Variants in FHOD3 observed in about 807,000 individuals in gnomAD.
FHOD3 encodes the protein FH1/FH2 domain-containing protein 3.
A neutral mutation model predicts 173.0 loss-of-function variants in FHOD3; 90 were observed. The observed-to-expected ratio is 0.52, with a 90% CI of 0.44 to 0.62. The LOEUF is 0.62. Among genes scored for constraint, FHOD3 ranks in the 20% least tolerant of loss-of-function variants. The pLI is 0.00. For missense variants in FHOD3, 1,945 were observed against 2,034.7 expected (o/e 0.96, Z 0.85); for synonymous variants, 828 against 823.0 (o/e 1.01, Z -0.10).
intron 10 of FHOD3, among the ~76,000 whole-genome samples, chr18:36,628,318 A>G (rs2034264083): frequency 6.6e-6 from 1 of 152,198 alleles, no homozygotes; most frequent in South Asian, 2.1e-4. Flanking sequence ...TATCCAAAGT[A>G]TACAGACTCC....
chr18:36,559,310 G>C (rs748046302), intron 5 of FHOD3, among the ~76,000 whole-genome samples: 1 of 152,122 alleles, frequency 6.6e-6, no homozygotes, highest in Non-Finnish European at 1.5e-5. Context: ...TCCTCTCTGC[G>C]GCTGCTTCTC....
intron 1 of FHOD3, among the ~76,000 whole-genome samples, chr18:36,302,917 A>G (rs2091991995): frequency 6.6e-6 from 1 of 152,226 alleles, no homozygotes; most frequent in Non-Finnish European, 1.5e-5. Context: ...TATTGAGATC[A>G]GGATCATGGG....
intron 16 of FHOD3, among the ~76,000 whole-genome samples, chr18:36,691,288 T>A (rs987301024): frequency 7.9e-5 from 12 of 152,238 alleles, no homozygotes; most frequent in Non-Finnish European, 7.3e-5. Context: ...CAGACTCATT[T>A]GATTTCTTGC....
intron 1 of FHOD3, among the ~76,000 whole-genome samples, chr18:36,330,582 G>A (rs1273795332): frequency 0.12 from 17,775 of 152,112 alleles, 3,462 homozygotes; most frequent in African/African-American, 0.4. Flanking sequence ...GGACTGTGGC[G>A]TGCAGGGCTG....
intron 10 of FHOD3, among the ~76,000 whole-genome samples, chr18:36,634,578 G>A (rs1160805311): frequency 2.0e-5 from 3 of 152,080 alleles, no homozygotes; most frequent in Non-Finnish European, 4.4e-5. Context: ...GTTATATGAC[G>A]TTAATCTACA....
In FHOD3 at chr18:36,709,184, A is replaced by C. The variant is rs1028556081; in HGVS notation, c.2326A>C (p.Ile776Leu). 5 of 1,614,062 alleles carry C rather than the reference A, an allele frequency of 3.1e-6. No individual in the cohort carries two copies. Among genetic ancestry groups the C allele is most frequent in the Non-Finnish European group, 4.2e-6 (5 of 1,180,048 alleles). Residue 776 changes from isoleucine to leucine, a missense_variant, in exon 18 of 29, where the codon ATA becomes CTA. Ile to Leu is a conservative substitution (Grantham distance 5). Coordinates refer to ENST00000590592, the MANE Select transcript of FHOD3 (RefSeq NM_001281740.3). Reference sequence around the variant, plus strand: ...GGTTGCTGATGAAGCTGGCCAGGACATAGCCTCTGCCCACGAGGGTGCAGA... The same window carrying C: ...GGTTGCTGATGAAGCTGGCCAGGACCTAGCCTCTGCCCACGAGGGTGCAGA... ...GQVADEAGQD[I>L]ASAHEGAETE...
chr18:36,588,489 G>A (rs1050554306), intron 6 of FHOD3, among the ~76,000 whole-genome samples: 2 of 152,178 alleles, frequency 1.3e-5, no homozygotes, highest in African/African-American at 2.4e-5. Flanking sequence ...TGATGTTTTA[G>A]TGGAAAATGA....
intron 3 of FHOD3, among the ~76,000 whole-genome samples, chr18:36,501,535 A>G (rs915852834): frequency 1.6e-4 from 24 of 152,246 alleles, no homozygotes; most frequent in African/African-American, 5.8e-4. Context: ...ATAGTTGGCC[A>G]TCAAGTGGAA....
intron 17 of FHOD3, among the ~76,000 whole-genome samples, chr18:36,697,000 G>T (rs2039322365): frequency 6.6e-6 from 1 of 152,188 alleles, no homozygotes; most frequent in Admixed American, 6.5e-5. Flanking sequence ...AGATGATTCT[G>T]AAAGCACCTA....
intron 28 of FHOD3, among the ~76,000 whole-genome samples, chr18:36,777,198 C>CTTTTTTTTTTTTTTT (rs11294880): frequency 9.2e-6 from 1 of 108,886 alleles, no homozygotes; most frequent in African/African-American, 3.7e-5. Context: ...TCTTCTTTTT[C>CTTTTTTTTTTTTTTT]TTTTTTTTTT....
At chr18:36,574,942 A>G (rs1204359098) in intron 5 of FHOD3, among the ~76,000 whole-genome samples, 1 of 151,832 alleles carries the variant, frequency 6.6e-6, no homozygotes, top group Non-Finnish European at 1.5e-5. Flanking sequence ...TTTTCTCAGA[A>G]TAATGTGGTT....
intron 28 of FHOD3, among the ~76,000 whole-genome samples, chr18:36,769,947 G>A (rs985258702): frequency 6.6e-6 from 1 of 152,130 alleles, no homozygotes; most frequent in African/African-American, 2.4e-5. Flanking sequence ...CGTGGCCTAG[G>A]TTGACCATTT....
At chr18:36,328,206 T>C (rs1243209197) in intron 1 of FHOD3, among the ~76,000 whole-genome samples, 1 of 151,988 alleles carries the variant, frequency 6.6e-6, no homozygotes, top group Admixed American at 6.6e-5. Flanking sequence ...TGGCAGGTGG[T>C]AAAGATAAAA....
At chr18:36,508,443 C>G (rs983788474) in intron 4 of FHOD3, among the ~76,000 whole-genome samples, 1 of 152,054 alleles carries the variant, frequency 6.6e-6, no homozygotes, top group African/African-American at 2.4e-5. Flanking sequence ...CTTGGAACAT[C>G]TTATACAGAG....
chr18:36,749,556 C>T (rs1357286017), intron 24 of FHOD3, among the ~76,000 whole-genome samples: 5 of 152,212 alleles, frequency 3.3e-5, no homozygotes, highest in South Asian at 2.1e-4. Context: ...ATATGTACCA[C>T]ATTTTTTTAT....
At chr18:36,597,118 C>T (rs997752339) in intron 7 of FHOD3, among the ~76,000 whole-genome samples, 2 of 152,148 alleles carry the variant, frequency 1.3e-5, no homozygotes, top group African/African-American at 2.4e-5. Context: ...TAGGGGCCAA[C>T]GTCTCATGAC....
chr18:36,717,903 T>G lies in FHOD3; in HGVS notation c.2605T>G (p.Phe869Val). The G allele has an allele frequency of 6.2e-7, 1 of 1,613,484 alleles. No individual in the cohort carries two copies. Among genetic ancestry groups the G allele is most frequent in the Non-Finnish European group, 8.5e-7 (1 of 1,179,740 alleles). ...TGGCGACATCCTCACCAACAAACGG[T>G]TCATGCTTGACATGCTGTATGCCCA... Reference protein sequence around the residue: ...QCGDILTNKRFMLDMLYAHNR... With the variant: ...QCGDILTNKRVMLDMLYAHNR... Residue 869 changes from phenylalanine to valine, a missense_variant, in exon 19 of 29, where the codon TTC becomes GTC. Phe to Val is a conservative substitution (Grantham distance 50). Transcript: ENST00000590592.
chr18:36,634,327 G>A (rs1349247345), intron 10 of FHOD3, among the ~76,000 whole-genome samples: 2 of 152,168 alleles, frequency 1.3e-5, no homozygotes, highest in Non-Finnish European at 2.9e-5. Context: ...TTATGGAACT[G>A]TGCTGGGGGG....
chr18:36,303,751 A>G (rs2092016063), intron 1 of FHOD3, among the ~76,000 whole-genome samples: 1 of 151,764 alleles, frequency 6.6e-6, no homozygotes, highest in Non-Finnish European at 1.5e-5. Context: ...TCTCAATAAC[A>G]CTGCTGTTGC....
Sources: allele counts gnomAD v4.1 joint callset (sites outside exome capture counted in the v4.1 genomes callset), GRCh38; gene constraint gnomAD v4.1.1; transcripts MANE v1.5; gene names NCBI Gene and HGNC (gene_info 2026-07-23, HGNC 2026-07-21).